Variants in CLASP1 observed in about 807,000 individuals in gnomAD.
CLASP1 encodes the protein CLIP-associating protein 1.
In CLASP1, 38 loss-of-function variants were observed where a neutral mutation model predicts 192.3. That is an observed-to-expected ratio of 0.20 (90% CI 0.15 to 0.26). The LOEUF (loss-of-function observed/expected upper bound fraction) is 0.26, where lower values mean the gene tolerates loss of function less well. Ranked by LOEUF, CLASP1 falls within the 10% of genes least tolerant of loss-of-function variation. The probability of loss-of-function intolerance (pLI) is 1.00; values close to 1 mark genes in which losing one functional copy is unlikely to be tolerated. For missense variants in CLASP1, 1,433 were observed against 1,932.5 expected (o/e 0.74, Z 4.85); for synonymous variants, 691 against 712.8 (o/e 0.97, Z 0.49).
chr2:121,500,372 GAAA>G (rs2093700842), intron 8 of CLASP1, among the ~76,000 whole-genome samples: 4 of 114,432 alleles, frequency 3.5e-5, no homozygotes, highest in East Asian at 2.4e-4. Flanking sequence ...AAGAAAGAAA[GAAA>G]GAAAGAAAGA....
exon 22 of CLASP1, chr2:121,425,157 G>C: frequency 6.2e-7 from 1 of 1,611,618 alleles, no homozygotes; most frequent in Non-Finnish European, 8.5e-7. Flanking sequence ...ATTCGGTTTG[G>C]ACTTGTTTCC....
chr2:121,431,761 T>C (rs1443577743), intron 19 of CLASP1, among the ~76,000 whole-genome samples: 1 of 151,862 alleles, frequency 6.6e-6, no homozygotes, highest in Non-Finnish European at 1.5e-5. Context: ...TTTTTTTTTT[T>C]GTAAATACAT....
At chr2:121,421,921 T>C (rs13427539) in intron 22 of CLASP1, among the ~76,000 whole-genome samples, 68 of 152,334 alleles carry the variant, frequency 4.5e-4, no homozygotes, top group African/African-American at 1.6e-3. Flanking sequence ...CCCACCAAAA[T>C]AGTCTTGTCT....
At chr2:121,541,839 C>T (rs2095241296) in intron 2 of CLASP1, among the ~76,000 whole-genome samples, 1 of 152,186 alleles carries the variant, frequency 6.6e-6, no homozygotes, top group Non-Finnish European at 1.5e-5. Context: ...TAACAAAATG[C>T]TCGGAATGTC....
chr2:121,479,725 A>G (rs1015752088), intron 8 of CLASP1, among the ~76,000 whole-genome samples: 63 of 152,180 alleles, frequency 4.1e-4, no homozygotes, highest in African/African-American at 1.4e-3. Context: ...CCCCCAATCC[A>G]GTCAATATGG....
chr2:121,399,761 A>C (rs2149451083), intron 28 of CLASP1, among the ~76,000 whole-genome samples: 1 of 152,336 alleles, frequency 6.6e-6, no homozygotes, highest in East Asian at 1.9e-4. Context: ...TAATCACCAA[A>C]GTTTAGGAAC....
chr2:121,419,376 G>A (rs578014195), intron 22 of CLASP1, among the ~76,000 whole-genome samples: 1 of 152,254 alleles, frequency 6.6e-6, no homozygotes, highest in African/African-American at 2.4e-5. Flanking sequence ...AGTGGGGACT[G>A]TTATCCTTTC....
chr2:121,589,148 A>C (rs2062072659), intron 2 of CLASP1, among the ~76,000 whole-genome samples: 1 of 152,220 alleles, frequency 6.6e-6, no homozygotes, highest in Admixed American at 6.5e-5. Flanking sequence ...CTGTCTCCAG[A>C]GTGATCTCAA....
intron 30 of CLASP1, among the ~76,000 whole-genome samples, chr2:121,393,154 A>G (rs1355269440): frequency 6.6e-6 from 1 of 152,236 alleles, no homozygotes; most frequent in Non-Finnish European, 1.5e-5. Context: ...GTTGTCTGAA[A>G]AGTCCCCAGG....
At chr2:121,341,015 G>A (rs2062715510) in intron 39 of CLASP1, 68 bp from the exon 41 acceptor site, 1 of 1,029,946 alleles carries the variant, frequency 9.7e-7, no homozygotes, top group African/African-American at 1.6e-5. Context: ...ACAGCAAAAA[G>A]AATCCCAGGT....
chr2:121,534,811 A>G (rs1363247602), intron 2 of CLASP1, among the ~76,000 whole-genome samples: 2 of 152,120 alleles, frequency 1.3e-5, no homozygotes, highest in Non-Finnish European at 2.9e-5. Flanking sequence ...ACTGACGTTG[A>G]GCCATTGTGC....
At chr2:121,601,512 C>T (rs143534282) in intron 2 of CLASP1, among the ~76,000 whole-genome samples, 2,115 of 152,130 alleles carry the variant, frequency 0.014, 43 homozygotes, top group African/African-American at 0.047. Context: ...CCTCGTGATC[C>T]GCCTGCCTCG....
intron 2 of CLASP1, among the ~76,000 whole-genome samples, chr2:121,588,515 C>T (rs2061995097): frequency 6.6e-6 from 1 of 152,102 alleles, no homozygotes; most frequent in Non-Finnish European, 1.5e-5. Context: ...TAATGAAGAT[C>T]ATCAGAAGAA....
chr2:121,495,341 A>ATG (rs58608369), intron 8 of CLASP1, among the ~76,000 whole-genome samples: 3 of 150,768 alleles, frequency 2.0e-5, no homozygotes, highest in Non-Finnish European at 4.4e-5. Context: ...AAATAAATAA[A>ATG]AATATTTAAA....
chr2:121,497,102 T>C (rs2093566156), intron 8 of CLASP1, among the ~76,000 whole-genome samples: 1 of 152,014 alleles, frequency 6.6e-6, no homozygotes, highest in Non-Finnish European at 1.5e-5. Flanking sequence ...GTGAAAAAAA[T>C]GTATATAAGT....
At chr2:121,408,679 C>A (rs2077259795) in intron 24 of CLASP1, among the ~76,000 whole-genome samples, 1 of 152,124 alleles carries the variant, frequency 6.6e-6, no homozygotes, top group South Asian at 2.1e-4. Flanking sequence ...TACATGGTCA[C>A]ACAAAATCCA....
chr2:121,351,048 G>A (rs1278149114), intron 37 of CLASP1, among the ~76,000 whole-genome samples: 1 of 152,182 alleles, frequency 6.6e-6, no homozygotes, highest in Non-Finnish European at 1.5e-5. Flanking sequence ...AGGGTGGAAG[G>A]TGGCAGGGCA....
At chr2:121,609,855 C>T (rs1359316251) in intron 1 of CLASP1, among the ~76,000 whole-genome samples, 1 of 152,260 alleles carries the variant, frequency 6.6e-6, no homozygotes, top group East Asian at 1.9e-4. Flanking sequence ...GCAGGAGAAT[C>T]GCTTGAAGCA....
intron 2 of CLASP1, chr2:121,530,921 C>A (rs555609754): frequency 8.6e-6 from 6 of 699,762 alleles, no homozygotes; most frequent in South Asian, 4.4e-5. Context: ...CCAATGAGCG[C>A]ATAGTGAGGG....
Sources: gnomAD v4.1 joint callset for allele counts (sites outside exome capture counted in the v4.1 genomes callset) on GRCh38, gnomAD v4.1.1 for gene constraint, MANE v1.5 for transcripts, NCBI Gene and HGNC (gene_info 2026-07-23, HGNC 2026-07-21) for gene names.